Variants in STK32A observed in about 807,000 individuals in gnomAD.
STK32A encodes the protein serine/threonine kinase 32A.
In STK32A, 41 loss-of-function variants were observed where a neutral mutation model predicts 53.2. That is an observed-to-expected ratio of 0.77 (90% CI 0.60 to 1.00). The LOEUF is 1.00. Among genes scored for constraint, STK32A ranks in the 50% least tolerant of loss-of-function variants. STK32A has a pLI of 0.00. For missense variants in STK32A, 458 were observed against 485.8 expected (o/e 0.94, Z 0.54); for synonymous variants, 166 against 162.8 (o/e 1.02, Z -0.15).
At chr5:147,262,895 G>A (rs1042356768) in intron 2 of STK32A, among the ~76,000 whole-genome samples, 5 of 152,190 alleles carry the variant, frequency 3.3e-5, no homozygotes, top group Non-Finnish European at 7.3e-5. Flanking sequence ...GCACTGTCAC[G>A]TGCCTCTAGA....
At chr5:147,347,397 T>A (rs994667750) in intron 6 of STK32A, among the ~76,000 whole-genome samples, 3 of 152,130 alleles carry the variant, frequency 2.0e-5, no homozygotes, top group African/African-American at 7.2e-5. Flanking sequence ...TGAAAAACTT[T>A]TCACTAAAGT....
intron 2 of STK32A, among the ~76,000 whole-genome samples, chr5:147,250,012 T>C (rs956503519): frequency 6.6e-6 from 1 of 151,954 alleles, no homozygotes; most frequent in African/African-American, 2.4e-5. Context: ...GCTGAGAGTT[T>C]ATTCAACATT....
chr5:147,356,367 G>C (rs947970290), intron 7 of STK32A, among the ~76,000 whole-genome samples: 1 of 152,086 alleles, frequency 6.6e-6, no homozygotes, highest in African/African-American at 2.4e-5. Context: ...TTTTATTATT[G>C]CATAATATAT....
the STK32A span, among the ~76,000 whole-genome samples, chr5:147,398,577 C>G: frequency 6.6e-6 from 1 of 152,190 alleles, no homozygotes; most frequent in Non-Finnish European, 1.5e-5. Flanking sequence ...TTAGGTACTG[C>G]ACTTTAATTA....
In STK32A at chr5:147,239,451, G is replaced by C. The variant is rs944960334; in HGVS notation, c.-96-88G>C. On this transcript the variant is annotated intron_variant, in intron 1 of 12. Transcript: ENST00000397936. ...CAAAAGTTTTCACTACAGTGATACA[G>C]ATGAGGTTTATGTTTCCGCCACAGT... 3 of 513,258 alleles carry C rather than the reference G, an allele frequency of 5.8e-6. No individual in the cohort carries two copies. In the African/African-American group the frequency reaches 6.0e-5, roughly 10 times the overall value. 31.8% of individuals were successfully genotyped at this position (513,258 alleles called of 1,614,324 possible). A position where few individuals can be genotyped will look rare whatever the true frequency, so the allele number is the denominator to read the frequency against.
At chr5:147,343,254 C>T (rs201262023) in intron 6 of STK32A, 57 of 739,984 alleles carry the variant, frequency 7.7e-5, no homozygotes, top group Middle Eastern at 2.3e-4. Context: ...TTGAATTTAC[C>T]TAATGAGAAA....
At chr5:147,312,515 G>A (rs1753752867) in intron 4 of STK32A, among the ~76,000 whole-genome samples, 1 of 152,128 alleles carries the variant, frequency 6.6e-6, no homozygotes, top group South Asian at 2.1e-4. Context: ...TTAGATATAT[G>A]GCTGTTTATT....
chr5:147,330,791 T>G (rs1754830585), intron 5 of STK32A, among the ~76,000 whole-genome samples: 1 of 152,248 alleles, frequency 6.6e-6, no homozygotes, highest in African/African-American at 2.4e-5. Flanking sequence ...TGCCCACCTG[T>G]AATGACCTGT....
chr5:147,298,476 C>G (rs528971658), intron 4 of STK32A, among the ~76,000 whole-genome samples: 2 of 152,288 alleles, frequency 1.3e-5, no homozygotes, highest in African/African-American at 4.8e-5. Flanking sequence ...TGGAATCATT[C>G]TGAGTTATGC....
At chr5:147,288,725 T>C (rs913199553) in intron 4 of STK32A, among the ~76,000 whole-genome samples, 1 of 152,114 alleles carries the variant, frequency 6.6e-6, no homozygotes. Flanking sequence ...AAACCATTCA[T>C]GAGGATCCAC....
intron 2 of STK32A, among the ~76,000 whole-genome samples, chr5:147,258,683 C>T (rs999114705): frequency 1.5e-5 from 1 of 66,678 alleles, no homozygotes; most frequent in African/African-American, 8.4e-5. Flanking sequence ...AATTCTCCCT[C>T]TCCTTTTTTT....
intron 2 of STK32A, among the ~76,000 whole-genome samples, chr5:147,242,425 T>C (rs1753620264): frequency 6.6e-6 from 1 of 152,164 alleles, no homozygotes; most frequent in Admixed American, 6.6e-5. Context: ...AAATAATACA[T>C]AAACCAGATA....
intron 2 of STK32A, among the ~76,000 whole-genome samples, chr5:147,261,374 G>T (rs1327486654): frequency 6.6e-6 from 1 of 152,154 alleles, no homozygotes; most frequent in Non-Finnish European, 1.5e-5. Context: ...GATGCATGTG[G>T]CCCTTGCTGC....
chr5:147,396,863 GTGTA>G, the STK32A span, among the ~76,000 whole-genome samples: 1 of 111,932 alleles, frequency 8.9e-6, no homozygotes, highest in Non-Finnish European at 1.8e-5. Context: ...CTGTATATGT[GTGTA>G]TATATATATA....
intron 7 of STK32A, among the ~76,000 whole-genome samples, chr5:147,354,866 A>G (rs1756143561): frequency 6.6e-6 from 1 of 152,226 alleles, no homozygotes; most frequent in Non-Finnish European, 1.5e-5. Flanking sequence ...AAGTCAACTT[A>G]GTTAGGCTAA....
At chr5:147,256,945 C>T (rs1754263796) in intron 2 of STK32A, among the ~76,000 whole-genome samples, 1 of 152,112 alleles carries the variant, frequency 6.6e-6, no homozygotes, top group African/African-American at 2.4e-5. Flanking sequence ...CAAAGAAATG[C>T]ATTTTAAATA....
intron 5 of STK32A, among the ~76,000 whole-genome samples, chr5:147,331,469 A>G (rs958720171): frequency 1.3e-5 from 2 of 152,182 alleles, no homozygotes; most frequent in African/African-American, 4.8e-5. Context: ...CTCTTATAAT[A>G]ATAAGATATC....
chr5:147,270,718 T>C (rs1056447167), intron 2 of STK32A, among the ~76,000 whole-genome samples: 8 of 152,324 alleles, frequency 5.3e-5, no homozygotes, highest in African/African-American at 7.2e-5. Flanking sequence ...CACTCAGCAT[T>C]AAAGAAATAA....
chr5:147,236,167 T>C (rs1266449117), intron 1 of STK32A, among the ~76,000 whole-genome samples: 1 of 152,178 alleles, frequency 6.6e-6, no homozygotes, highest in Non-Finnish European at 1.5e-5. Flanking sequence ...GAAGCTTACC[T>C]GTTGACAACC....
Sources: gnomAD v4.1 joint callset for allele counts (sites outside exome capture counted in the v4.1 genomes callset) on GRCh38, gnomAD v4.1.1 for gene constraint, MANE v1.5 for transcripts, NCBI Gene and HGNC (gene_info 2026-07-23, HGNC 2026-07-21) for gene names.